CAST: variants seen among roughly 807,000 people sequenced by gnomAD.
CAST encodes the protein MIR583 host.
In CAST, 76 loss-of-function variants were observed where a neutral mutation model predicts 119.6. The ratio of observed to expected loss-of-function variants is 0.64; its 90% CI spans 0.53 to 0.77. The LOEUF is 0.77. Among genes scored for constraint, CAST ranks in the 30% least tolerant of loss-of-function variants. The pLI, the probability that CAST is intolerant of heterozygous loss-of-function variation, is 0.00. For synonymous variants in CAST, 319 were observed against 331.6 expected, an observed-to-expected ratio of 0.96 and a Z score of 0.41; for missense variants, 953 against 946.5, an observed-to-expected ratio of 1.01 and a Z score of -0.09.
At chr5:96,608,880 C>T (rs1273554794) in intron 1 of CAST, among the ~76,000 whole-genome samples, 3 of 152,032 alleles carry the variant, frequency 2.0e-5, no homozygotes, top group South Asian at 2.1e-4. Flanking sequence ...AAGCAGATCT[C>T]GTGAGAATTT....
intron 2 of CAST, among the ~76,000 whole-genome samples, chr5:96,682,526 T>C (rs926585307): frequency 5.3e-5 from 8 of 152,300 alleles, no homozygotes; most frequent in Non-Finnish European, 7.4e-5. Flanking sequence ...CTTCTTATTC[T>C]GTATCATTTT....
At chr5:96,148,097 A>G in the CAST span, among the ~76,000 whole-genome samples, 2 of 152,234 alleles carry the variant, frequency 1.3e-5, no homozygotes. Flanking sequence ...TTGGTCACAC[A>G]GGGACTCTTT....
chr5:96,264,840 T>A, the CAST span, among the ~76,000 whole-genome samples: 1 of 152,242 alleles, frequency 6.6e-6, no homozygotes, highest in Non-Finnish European at 1.5e-5. Context: ...TATGTGAGAT[T>A]AATTCATATT....
At chr5:96,674,728 A>G (rs1224524563) in intron 1 of CAST, among the ~76,000 whole-genome samples, 2 of 152,218 alleles carry the variant, frequency 1.3e-5, no homozygotes, top group Non-Finnish European at 2.9e-5. Flanking sequence ...ATGAGGAATA[A>G]GATCTGTTGT....
chr5:96,441,749 A>G, the CAST span, among the ~76,000 whole-genome samples: 25 of 152,352 alleles, frequency 1.6e-4, no homozygotes, highest in South Asian at 4.8e-3. Context: ...CATGAGGCAC[A>G]CAGAGAAAAT....
chr5:96,508,655 G>A, the CAST span, among the ~76,000 whole-genome samples: 1 of 152,112 alleles, frequency 6.6e-6, no homozygotes, highest in Non-Finnish European at 1.5e-5. Context: ...GTACAGGTTA[G>A]GCATGGGGTT....
intron 1 of CAST, among the ~76,000 whole-genome samples, chr5:96,618,829 C>G (rs961516003): frequency 1.3e-5 from 2 of 152,224 alleles, no homozygotes; most frequent in South Asian, 2.1e-4. Context: ...TGAGCCTCCC[C>G]GACAGGCGCT....
chr5:96,532,963 TGCAGTGA>T (rs1290530529), intron 1 of CAST, among the ~76,000 whole-genome samples: 1 of 151,506 alleles, frequency 6.6e-6, no homozygotes, highest in Non-Finnish European at 1.5e-5. Flanking sequence ...AGGTTGAGGC[TGCAGTGA>T]GCCATGATTG....
At chr5:96,609,227 T>G (rs1747316547) in intron 1 of CAST, among the ~76,000 whole-genome samples, 1 of 152,238 alleles carries the variant, frequency 6.6e-6, no homozygotes, top group Non-Finnish European at 1.5e-5. Flanking sequence ...TGTATTCCCA[T>G]TGCAATATCC....
chr5:96,394,362 C>A, the CAST span, among the ~76,000 whole-genome samples: 4 of 152,284 alleles, frequency 2.6e-5, no homozygotes, highest in African/African-American at 9.6e-5. Context: ...TGTGATCTAT[C>A]GCTCCCCTTG....
At chr5:96,291,302 C>A in the CAST span, among the ~76,000 whole-genome samples, 1 of 152,190 alleles carries the variant, frequency 6.6e-6, no homozygotes, top group African/African-American at 2.4e-5. Context: ...CTGTAGATAG[C>A]TAATACACAA....
the CAST span, among the ~76,000 whole-genome samples, chr5:96,511,294 G>A: frequency 4.9e-4 from 74 of 152,130 alleles, no homozygotes; most frequent in East Asian, 0.012. Flanking sequence ...ACAGGCGCCC[G>A]CCACCACGCC....
At chr5:96,708,899 C>T (rs547127471) in intron 3 of CAST, among the ~76,000 whole-genome samples, 5 of 152,290 alleles carry the variant, frequency 3.3e-5, no homozygotes, top group Non-Finnish European at 7.4e-5. Flanking sequence ...ATGACTCTCC[C>T]GCATGCTATT....
intron 1 of CAST, among the ~76,000 whole-genome samples, chr5:96,609,166 C>G: frequency 6.6e-6 from 1 of 152,152 alleles, no homozygotes; most frequent in East Asian, 1.9e-4. Context: ...CATCATTTTT[C>G]CTTTAAAAAC....
the CAST span, among the ~76,000 whole-genome samples, chr5:96,049,510 A>C: frequency 6.6e-6 from 1 of 152,214 alleles, no homozygotes; most frequent in Non-Finnish European, 1.5e-5. Flanking sequence ...TAGATTGTAC[A>C]AGCGTCAGGG....
chr5:96,357,172 T>C, the CAST span, among the ~76,000 whole-genome samples: 2 of 152,126 alleles, frequency 1.3e-5, no homozygotes, highest in East Asian at 3.9e-4. Context: ...GATTTTTGCA[T>C]ATTGATTTTG....
chr5:96,746,229 C>G, intron 16 of CAST, 113 bp from the exon 17 acceptor site: 1 of 698,552 alleles, frequency 1.4e-6, no homozygotes, highest in Non-Finnish European at 2.6e-6. Flanking sequence ...CTTCCAGATG[C>G]TTTTACCAGA....
At chr5:96,424,991 A>T in the CAST span, among the ~76,000 whole-genome samples, 10 of 139,662 alleles carry the variant, frequency 7.2e-5, no homozygotes, top group African/African-American at 3.0e-4. Flanking sequence ...GAAAGAAAGA[A>T]AGAAAGAGAA....
the CAST span, among the ~76,000 whole-genome samples, chr5:96,302,759 C>A: frequency 2.6e-5 from 4 of 152,202 alleles, no homozygotes; most frequent in Non-Finnish European, 4.4e-5. Flanking sequence ...AATTTCTTAT[C>A]TGCATCTGAG....
Sources: allele counts gnomAD v4.1 joint callset (sites outside exome capture counted in the v4.1 genomes callset), GRCh38; gene constraint gnomAD v4.1.1; transcripts MANE v1.5; gene names NCBI Gene and HGNC (gene_info 2026-07-23, HGNC 2026-07-21).